SLC38A1: variants seen among roughly 807,000 people sequenced by gnomAD.
SLC38A1 encodes sodium-coupled neutral amino acid symporter 1.
SLC38A1 carries 18 observed loss-of-function variants against 60.3 expected under a neutral mutation model. That is an observed-to-expected ratio of 0.30 (90% CI 0.21 to 0.44). The LOEUF (loss-of-function observed/expected upper bound fraction) is 0.44. Among genes scored for constraint, SLC38A1 ranks in the 20% least tolerant of loss-of-function variants. The pLI, the probability that SLC38A1 is intolerant of heterozygous loss-of-function variation, is 1.00. For missense variants in SLC38A1, 448 were observed against 587.2 expected (o/e 0.76, Z 2.45); for synonymous variants, 196 against 212.1 (o/e 0.92, Z 0.66).
intron 1 of SLC38A1, among the ~76,000 whole-genome samples, chr12:46,267,016 C>T (rs1942372083): frequency 6.6e-6 from 1 of 152,192 alleles, no homozygotes; most frequent in South Asian, 2.1e-4. Context: ...CAGCCATGCA[C>T]CGAGCTCAGG....
At chr12:46,251,734 A>G (rs906422988) in intron 1 of SLC38A1, among the ~76,000 whole-genome samples, 1 of 152,250 alleles carries the variant, frequency 6.6e-6, no homozygotes, top group Admixed American at 6.5e-5. Context: ...CACATGGAAA[A>G]AATGCTCATT....
chr12:46,196,839 C>T (rs187099964), intron 16 of SLC38A1, among the ~76,000 whole-genome samples: 6 of 152,192 alleles, frequency 3.9e-5, no homozygotes, highest in African/African-American at 1.2e-4. Context: ...TCCAAGTGCA[C>T]CACGTTCAAG....
chr12:46,263,928 TC>T (rs1379740958), intron 1 of SLC38A1, among the ~76,000 whole-genome samples: 1 of 152,124 alleles, frequency 6.6e-6, no homozygotes, highest in Non-Finnish European at 1.5e-5. Context: ...CATATGGAGG[TC>T]CTCATTTAAT....
chr12:46,219,408 T>C (rs1940561154), intron 5 of SLC38A1, among the ~76,000 whole-genome samples: 1 of 152,244 alleles, frequency 6.6e-6, no homozygotes, highest in Non-Finnish European at 1.5e-5. Context: ...ATCTTTTCTT[T>C]TTTAAAGTCC....
intron 1 of SLC38A1, among the ~76,000 whole-genome samples, chr12:46,254,174 ATATG>A (rs1164170277): frequency 1.3e-5 from 2 of 152,236 alleles, no homozygotes; most frequent in Non-Finnish European, 2.9e-5. Context: ...GATGATTCCA[ATATG>A]TCCAGAATTG....
intron 5 of SLC38A1, among the ~76,000 whole-genome samples, chr12:46,218,932 C>G (rs908549459): frequency 2.6e-5 from 4 of 152,104 alleles, no homozygotes; most frequent in African/African-American, 9.7e-5. Context: ...TCAGCTGATA[C>G]ATGGAGTACA....
At chr12:46,258,305 TC>T (rs1406327811) in intron 1 of SLC38A1, among the ~76,000 whole-genome samples, 3 of 152,194 alleles carry the variant, frequency 2.0e-5, no homozygotes, top group Non-Finnish European at 4.4e-5. Context: ...TTTACTCAGC[TC>T]CTATTTAAGA....
rs1253207218 is a variant in SLC38A1, at chr12:46,184,002, T to C, written c.*4968A>G. 6.6e-6 allele frequency: 1 copy of C among 152,666 alleles called. No individual in the cohort carries two copies. The highest frequency in any genetic ancestry group is 1.5e-5 in the Non-Finnish European group (1 of 68,040). The allele number at this position is 152,666 out of a possible 1,614,324, so 9.5% of individuals were successfully genotyped here. Reference sequence around the variant, plus strand: ...TATACAGCCTCCTATTTATTTACAATAATATTTACATACAAATGAAGTATT... The same window carrying C: ...TATACAGCCTCCTATTTATTTACAACAATATTTACATACAAATGAAGTATT... On this transcript the variant is annotated 3_prime_UTR_variant, in exon 17 of 17. Transcript: ENST00000398637.
intron 5 of SLC38A1, among the ~76,000 whole-genome samples, chr12:46,214,391 C>A (rs933101124): frequency 1.3e-5 from 2 of 152,128 alleles, no homozygotes; most frequent in African/African-American, 2.4e-5. Flanking sequence ...ATTTGAAAAA[C>A]GTTATTTGTC....
intron 12 of SLC38A1, among the ~76,000 whole-genome samples, chr12:46,202,019 T>C (rs1939682397): frequency 6.6e-6 from 1 of 151,326 alleles, no homozygotes; most frequent in Non-Finnish European, 1.5e-5. Context: ...ATGGTGAAAC[T>C]CTGTGTCTAC....
At chr12:46,244,130 C>T (rs1261694657) in intron 1 of SLC38A1, among the ~76,000 whole-genome samples, 1 of 152,020 alleles carries the variant, frequency 6.6e-6, no homozygotes, top group African/African-American at 2.4e-5. Context: ...CATACCTACA[C>T]AGTGCATACA....
At chr12:46,189,346 A>T (rs532577918) in intron 16 of SLC38A1, among the ~76,000 whole-genome samples, 78 of 152,216 alleles carry the variant, frequency 5.1e-4, no homozygotes, top group Middle Eastern at 3.4e-3. Context: ...GTATGTATCC[A>T]TTCTACAAAT....
At chr12:46,201,468 C>T (rs1939657204) in intron 12 of SLC38A1, among the ~76,000 whole-genome samples, 1 of 152,130 alleles carries the variant, frequency 6.6e-6, no homozygotes, top group Non-Finnish European at 1.5e-5. Context: ...GGGCAGACAG[C>T]ATTTTTTTAA....
In SLC38A1 at chr12:46,227,904, C is replaced by T. The variant is rs531759683; in HGVS notation, c.314+1249G>A. On this transcript the variant is annotated intron_variant, in intron 5 of 16. Coordinates refer to ENST00000398637, the MANE Select transcript of SLC38A1 (RefSeq NM_030674.4). ...TGTCTCATGTAAATGCACTGAAAAC[C>T]AGAAGTGTAGCTCCTCAAGCAGTCT... 9.2e-5 allele frequency among the ~76,000 whole-genome samples: 14 copies of T among 152,166 alleles called. 1 individual carries two copies. The highest frequency in any genetic ancestry group is 2.1e-4 in the South Asian group (1 of 4,820).
chr12:46,224,215 C>T (rs950171472), intron 5 of SLC38A1, among the ~76,000 whole-genome samples: 3 of 152,164 alleles, frequency 2.0e-5, no homozygotes, highest in Non-Finnish European at 2.9e-5. Flanking sequence ...TGCCTCAGTA[C>T]ATCCCTGACT....
At chr12:46,217,103 T>C (rs1940447448) in intron 5 of SLC38A1, among the ~76,000 whole-genome samples, 1 of 152,224 alleles carries the variant, frequency 6.6e-6, no homozygotes, top group African/African-American at 2.4e-5. Context: ...TGTTGGGGTA[T>C]TCATTATATA....
chr12:46,198,881 G>T (rs1192027703), intron 13 of SLC38A1, 138 bp from the exon 14 acceptor site: 2 of 617,178 alleles, frequency 3.2e-6, no homozygotes, highest in Non-Finnish European at 5.7e-6. Context: ...AAAACAATCA[G>T]GTTGGAAAGA....
chr12:46,203,149 C>T, intron 11 of SLC38A1, 60 bp from the exon 12 acceptor site: 1 of 1,369,180 alleles, frequency 7.3e-7, no homozygotes, highest in Non-Finnish European at 1.0e-6. Flanking sequence ...AAGGACATAG[C>T]TCCAGTATTT....
intron 5 of SLC38A1, among the ~76,000 whole-genome samples, 153 bp from the exon 6 acceptor site, chr12:46,209,280 T>C (rs1299868229): frequency 1.3e-5 from 2 of 152,202 alleles, no homozygotes; most frequent in East Asian, 3.9e-4. Flanking sequence ...TGCTTTAAAA[T>C]CCTCAACAAA....
Sources: allele counts gnomAD v4.1 joint callset (sites outside exome capture counted in the v4.1 genomes callset), GRCh38; gene constraint gnomAD v4.1.1; transcripts MANE v1.5; gene names NCBI Gene and HGNC (gene_info 2026-07-23, HGNC 2026-07-21).